GLIPR1L2: variants seen among roughly 807,000 people sequenced by gnomAD.
GLIPR1L2 encodes the protein GLIPR1-like protein 2.
Under a neutral mutation model 28.4 loss-of-function variants are expected in GLIPR1L2, and 21 were observed. The observed-to-expected ratio is 0.74, with a 90% CI of 0.52 to 1.06. The LOEUF (loss-of-function observed/expected upper bound fraction) is 1.06, where lower values mean the gene tolerates loss of function less well. GLIPR1L2 is among the 50% of genes least tolerant of loss of function. The pLI is 0.00. For missense variants in GLIPR1L2, 476 were observed against 416.9 expected (o/e 1.14, Z -1.23); for synonymous variants, 145 against 139.3 (o/e 1.04, Z -0.29).
chr12:75,424,527 C>A (rs1247111015), intron 4 of GLIPR1L2, among the ~76,000 whole-genome samples: 1 of 152,058 alleles, frequency 6.6e-6, no homozygotes, highest in Non-Finnish European at 1.5e-5. Context: ...CTCACTGTAA[C>A]GTCGAATTCC....
chr12:75,427,475 T>C (rs1022311255), intron 4 of GLIPR1L2, among the ~76,000 whole-genome samples: 2 of 152,188 alleles, frequency 1.3e-5, no homozygotes, highest in Non-Finnish European at 2.9e-5. Context: ...GGTCAGTTCA[T>C]CTCCAAGGTG....
intron 1 of GLIPR1L2, among the ~76,000 whole-genome samples, chr12:75,409,933 T>C (rs2045848242): frequency 6.7e-6 from 1 of 149,898 alleles, no homozygotes; most frequent in Admixed American, 6.7e-5. Flanking sequence ...ATATAAGATG[T>C]ATATCTAATC....
Position 75,418,394 on chromosome 12 carries a change from T to C in GLIPR1L2, c.585-4510T>C, listed in dbSNP as rs1243944677. Among the ~76,000 whole-genome samples, 2 of 152,190 alleles carry C rather than the reference T, an allele frequency of 1.3e-5. 1 individual carries two copies. The highest frequency in any genetic ancestry group is 2.9e-5 in the Non-Finnish European group (2 of 68,032). ...GTGAATTTACTTACAATTTGGAAGGTATAAGGACTTACCTATCAGAACATT... is the reference window on the plus strand; with the variant it reads ...GTGAATTTACTTACAATTTGGAAGGCATAAGGACTTACCTATCAGAACATT... On this transcript the variant is annotated intron_variant, in intron 3 of 5. Transcript: ENST00000550916.
intron 1 of GLIPR1L2, among the ~76,000 whole-genome samples, chr12:75,397,654 C>T (rs2045694857): frequency 6.6e-6 from 1 of 152,136 alleles, no homozygotes; most frequent in South Asian, 2.1e-4. Context: ...TGGGTATTCT[C>T]AGCATATATA....
At chr12:75,410,257 G>A (rs146564507) in intron 1 of GLIPR1L2, among the ~76,000 whole-genome samples, 177 bp from the exon 2 acceptor site, 1 of 151,704 alleles carries the variant, frequency 6.6e-6, no homozygotes, top group East Asian at 1.9e-4. Context: ...TCAGGAAATG[G>A]TCATTTCATT....
Position 75,391,132 on chromosome 12 carries a change from C to T in GLIPR1L2, c.16C>T (p.Pro6Ser). 6.2e-7 allele frequency: 1 copy of T among 1,613,502 alleles called. No individual in the cohort carries two copies. The highest frequency in any genetic ancestry group is 8.5e-7 in the Non-Finnish European group (1 of 1,179,764). Reference protein sequence around the residue: MEAARPFAREWRAQSL... With the variant: MEAARSFAREWRAQSL... ...CCGGTGGACCATGGAGGCCGCAAGG[C>T]CCTTCGCCCGGGAGTGGAGGGCCCA... The change falls in exon 1 of 6, where the codon CCC becomes TCC. Residue 6 changes from proline (P) to serine (S), a missense_variant. Pro to Ser is a moderately conservative substitution (Grantham distance 74). Coordinates refer to ENST00000550916, the MANE Select transcript of GLIPR1L2 (RefSeq NM_001270396.2).
At chr12:75,419,213 TAGG>T (rs2045953817) in intron 3 of GLIPR1L2, among the ~76,000 whole-genome samples, 1 of 151,464 alleles carries the variant, frequency 6.6e-6, no homozygotes, top group Non-Finnish European at 1.5e-5. Context: ...AGGGAGAAAA[TAGG>T]AGAGAAAATA....
chr12:75,423,021 G>GC, intron 4 of GLIPR1L2, 32 bp downstream of exon 4: 5 of 1,598,754 alleles, frequency 3.1e-6, no homozygotes, highest in Non-Finnish European at 4.3e-6. Flanking sequence ...TGAAAAAAAT[G>GC]CATAATGGAT....
chr12:75,397,792 T>A (rs1163626116), intron 1 of GLIPR1L2, among the ~76,000 whole-genome samples: 2 of 152,178 alleles, frequency 1.3e-5, no homozygotes, highest in Non-Finnish European at 2.9e-5. Flanking sequence ...TTTGGTGGTC[T>A]GCTTCATTTA....
At chr12:75,406,024 T>A (rs561345378) in intron 1 of GLIPR1L2, among the ~76,000 whole-genome samples, 1 of 151,638 alleles carries the variant, frequency 6.6e-6, no homozygotes, top group South Asian at 2.1e-4. Flanking sequence ...TTTAAAGTAA[T>A]CGACTTAGAA....
At position 75,391,137 on chromosome 12, in the gene GLIPR1L2, C is replaced by T. The variant is rs1477739221; in HGVS notation, c.21C>T (p.Phe7=). The change falls in exon 1 of 6, where the codon TTC becomes TTT. Residue 7 remains phenylalanine (F), a synonymous_variant. Transcript: ENST00000550916. ...GGACCATGGAGGCCGCAAGGCCCTTCGCCCGGGAGTGGAGGGCCCAGTCCC... is the reference window on the plus strand; with the variant it reads ...GGACCATGGAGGCCGCAAGGCCCTTTGCCCGGGAGTGGAGGGCCCAGTCCC... The part of the protein sequence containing the change: MEAARP[F]AREWRAQSLP... The T allele has an allele frequency of 1.9e-6, 3 of 1,613,760 alleles. No individual in the cohort carries two copies. The highest frequency in any genetic ancestry group is 1.7e-4 in the Middle Eastern group (1 of 5,906).
At chr12:75,409,730 ATATATATAAGATGTATATCTAATCCG>A (rs2045844113) in intron 1 of GLIPR1L2, among the ~76,000 whole-genome samples, 1 of 94,508 alleles carries the variant, frequency 1.1e-5, no homozygotes, top group African/African-American at 3.5e-5. Context: ...ATCTAATCCG[ATATATATAAGATGTATATCTAATCCG>A]ATATATATAA....
chr12:75,408,111 T>C (rs1410336663), intron 1 of GLIPR1L2, among the ~76,000 whole-genome samples: 1 of 152,000 alleles, frequency 6.6e-6, no homozygotes, highest in African/African-American at 2.4e-5. Context: ...GAGTAATGGC[T>C]AACAAAAATT....
intron 1 of GLIPR1L2, among the ~76,000 whole-genome samples, chr12:75,405,920 A>T (rs951574844): frequency 6.6e-6 from 1 of 152,082 alleles, no homozygotes; most frequent in Non-Finnish European, 1.5e-5. Flanking sequence ...GCAAAACTAG[A>T]ATTTGATTTT....
In GLIPR1L2 at chr12:75,422,938, A is replaced by T. The variant is rs1211500894; in HGVS notation, c.619A>T (p.Ile207Leu). 1 of 1,612,562 alleles carries T rather than the reference A, an allele frequency of 6.2e-7. No individual in the cohort carries two copies. The highest frequency in any genetic ancestry group is 1.7e-5 in the Admixed American group (1 of 59,730). Residue 207 changes from isoleucine to leucine, a missense_variant, in exon 4 of 6, where the codon ATA (isoleucine) becomes TTA (leucine). Physicochemically the swap from Ile to Leu is conservative, Grantham distance 5. Coordinates refer to ENST00000550916, the MANE Select transcript of GLIPR1L2 (RefSeq NM_001270396.2). ...TLTRRPYEPG[I>L]FCTRCGRRDK... is the part of the protein sequence containing the mutation. ...GACGAGAAGACCTTATGAACCAGGA[A>T]TATTTTGTACTCGATGTGGCAGACG... is the stretch of plus-strand genomic sequence containing the variant.
Position 75,391,122 on chromosome 12 carries a change from G to A in GLIPR1L2, c.6G>A (p.Glu2=), listed in dbSNP as rs2045575434. 1.2e-6 allele frequency: 2 copies of A among 1,612,440 alleles called. No homozygotes were observed. The highest frequency in any genetic ancestry group is 2.7e-5 in the African/African-American group (2 of 74,996). The change falls in exon 1 of 6, where the codon GAG becomes GAA. Residue 2 remains glutamate, a synonymous_variant. Coordinates refer to ENST00000550916, the MANE Select transcript of GLIPR1L2 (RefSeq NM_001270396.2). ...CTGTCAGCGGCCGGTGGACCATGGA[G>A]GCCGCAAGGCCCTTCGCCCGGGAGT... is the stretch of plus-strand genomic sequence containing the variant. The part of the protein sequence containing the change: M[E]AARPFAREWR...
intron 1 of GLIPR1L2, among the ~76,000 whole-genome samples, chr12:75,400,289 T>TA (rs2045726083): frequency 6.6e-6 from 1 of 151,926 alleles, no homozygotes; most frequent in Non-Finnish European, 1.5e-5. Context: ...CGGCTAATTT[T>TA]TTTTTGTATT....
intron 1 of GLIPR1L2, among the ~76,000 whole-genome samples, chr12:75,405,511 A>G (rs2045787581): frequency 6.6e-6 from 1 of 152,138 alleles, no homozygotes; most frequent in Non-Finnish European, 1.5e-5. Flanking sequence ...AGAGGTAACA[A>G]TTGGTCAGCT....
chr12:75,419,477 A>AT, intron 3 of GLIPR1L2, among the ~76,000 whole-genome samples: 1 of 152,232 alleles, frequency 6.6e-6, no homozygotes, highest in Non-Finnish European at 1.5e-5. Context: ...TGAATTATCC[A>AT]TATGAATGTT....
Sources: gnomAD v4.1 joint callset for allele counts (sites outside exome capture counted in the v4.1 genomes callset) on GRCh38, gnomAD v4.1.1 for gene constraint, MANE v1.5 for transcripts, NCBI Gene and HGNC (gene_info 2026-07-23, HGNC 2026-07-21) for gene names.